The following HOXB3 variants were observed in gnomAD, a reference collection of about 807,000 sequenced individuals.
HOXB3 encodes the protein homeobox B3.
A neutral mutation model predicts 29.2 loss-of-function variants in HOXB3; 17 were observed. That is an observed-to-expected ratio of 0.58 (90% CI 0.40 to 0.87). The LOEUF (loss-of-function observed/expected upper bound fraction) is 0.87. Ranked by LOEUF, HOXB3 falls within the 40% of genes least tolerant of loss-of-function variation. The pLI is 0.00. For synonymous variants in HOXB3, 317 were observed against 285.9 expected (o/e 1.11, Z -1.10); for missense variants, 637 against 616.3 (o/e 1.03, Z -0.35).
chr17:48,578,650 C>G (rs895096865), intron 1 of HOXB3: 20 of 303,708 alleles, frequency 6.6e-5, no homozygotes, highest in Non-Finnish European at 1.1e-4. Flanking sequence ...AGAGAGAGAG[C>G]GCGCGCAGGT....
At chr17:48,563,738 C>T (rs2144816821) in intron 2 of HOXB3, among the ~76,000 whole-genome samples, 1 of 152,342 alleles carries the variant, frequency 6.6e-6, no homozygotes, top group South Asian at 2.1e-4. Context: ...GGGCTTAACA[C>T]TCAGCCTCAG....
Position 48,578,009 on chromosome 17 carries a change from G to A in HOXB3, c.-424-3995C>T, listed in dbSNP as rs2069823999. The stretch of plus-strand genomic sequence containing the variant: ...CGCCTCGCAGCGCTGGCCGGGCTCC[G>A]GGAGGAGGGCCCCGGCGGGTGGCGG... On this transcript the variant is annotated intron_variant, in intron 1 of 4. Coordinates refer to ENST00000498678, the MANE Select transcript of HOXB3 (RefSeq NM_001384749.1). 7.8e-7 allele frequency: 1 copy of A among 1,286,024 alleles called. No individual in the cohort carries two copies. The highest frequency in any genetic ancestry group is 9.9e-7 in the Non-Finnish European group (1 of 1,014,398). The allele number at this position is 1,286,024 out of a possible 1,614,324, so 79.7% of individuals were successfully genotyped here.
chr17:48,572,262 AG>A (rs2069609506), intron 2 of HOXB3, among the ~76,000 whole-genome samples: 1 of 152,170 alleles, frequency 6.6e-6, no homozygotes, highest in African/African-American at 2.4e-5. Flanking sequence ...AGGCACTCCA[AG>A]GGCTTTTTTC....
chr17:48,554,555 TCC>T lies in HOXB3; in HGVS notation c.-159+974_-159+975del, dbSNP rs1273875416. ...TGGGAAGGTTTGTGCACCCGGGTAGTCCCTGGCTGCTGCTGCCAGGCTGCCTC... is the reference window on the plus strand; with the variant it reads ...TGGGAAGGTTTGTGCACCCGGGTAGTCTGGCTGCTGCTGCCAGGCTGCCTC... On this transcript the variant is annotated intron_variant, in intron 3 of 4. Coordinates refer to ENST00000498678, the MANE Select transcript of HOXB3 (RefSeq NM_001384749.1). This position sits in a 1 kb window ranked among gnomAD's most constrained non-coding sequence, Gnocchi z 4.1. 2.9e-6 allele frequency: 2 copies of T among 695,056 alleles called. No homozygotes were observed. The highest frequency in any genetic ancestry group is 2.6e-6 in the Non-Finnish European group (1 of 381,402). The allele number at this position is 695,056 out of a possible 1,614,324, so 43.1% of individuals were successfully genotyped here. A position where few individuals can be genotyped will look rare whatever the true frequency, so the allele number is the denominator to read the frequency against.
intron 3 of HOXB3, 29 bp from the exon 4 acceptor site, chr17:48,552,661 G>C: frequency 3.6e-6 from 2 of 550,164 alleles, no homozygotes; most frequent in Non-Finnish European, 3.2e-6. Context: ...GACACAAGGG[G>C]GAGAAGAGGA....
Position 48,554,812 on chromosome 17 carries a change from C to T in HOXB3, c.-159+719G>A, listed in dbSNP as rs2068897115. 1.4e-6 allele frequency: 1 copy of T among 702,214 alleles called. No individual in the cohort carries two copies. Among genetic ancestry groups the T allele is most frequent in the African/African-American group, 1.7e-5 (1 of 57,232 alleles). 43.5% of individuals were successfully genotyped at this position (702,214 alleles called of 1,614,324 possible). ...AACTCCGCTTCGGGACTTTGCTCAG[C>T]AGGGCTCCGGGTTGGAGGGCGCCGA... On this transcript the variant is annotated intron_variant, in intron 3 of 4. Transcript: ENST00000498678. The surrounding 1 kb of genome is among the most constrained non-coding windows in gnomAD (Gnocchi z 4.1).
rs35598082 is a variant in HOXB3 at position 48,571,824 on chromosome 17, G to C, written c.-247+2013C>G. On this transcript the variant is annotated intron_variant, in intron 2 of 4. Transcript: ENST00000498678. ...TCTACTTATGCCACCCAGGGACAAA[G>C]GAGAGAGTATCAACCACTCCAGTTA... is the stretch of plus-strand genomic sequence containing the variant. Among the ~76,000 whole-genome samples, 1,218 of 152,324 alleles carry C rather than the reference G, an allele frequency of 8.0e-3. 6 individuals carry two copies. The highest frequency in any genetic ancestry group is 0.012 in the Non-Finnish European group (827 of 68,044).
intron 1 of HOXB3, chr17:48,575,652 G>C (rs1190034807): frequency 6.6e-6 from 1 of 151,190 alleles, no homozygotes; most frequent in East Asian, 1.9e-4. Flanking sequence ...GAAAAGGAGA[G>C]AGGACTCACA....
At chr17:48,567,402 G>A (rs1021468493) in intron 2 of HOXB3, among the ~76,000 whole-genome samples, 6 of 152,180 alleles carry the variant, frequency 3.9e-5, no homozygotes, top group African/African-American at 1.4e-4. Flanking sequence ...AAGTCAGTTG[G>A]CCTGGCTCCA....
At chr17:48,552,754 A>C in intron 3 of HOXB3, 122 bp from the exon 4 acceptor site, 2 of 380,778 alleles carry the variant, frequency 5.3e-6, no homozygotes, top group Admixed American at 4.0e-5. Context: ...AACATCTCCA[A>C]AGCAGATGCT....
chr17:48,567,316 G>A (rs574991195), intron 2 of HOXB3, among the ~76,000 whole-genome samples: 4 of 152,296 alleles, frequency 2.6e-5, no homozygotes, highest in Middle Eastern at 3.4e-3. Flanking sequence ...ACCTGGGCGC[G>A]GCGTTGCTCT....
Position 48,550,062 on chromosome 17 carries a change from T to G in HOXB3, c.*272A>C. ...CACTCCCGGGCGTGGAATTCCAACTTGGTAGTGCTGGAGCCCTGGGGTTGA... is the reference window on the plus strand; with the variant it reads ...CACTCCCGGGCGTGGAATTCCAACTGGGTAGTGCTGGAGCCCTGGGGTTGA... On this transcript the variant is annotated 3_prime_UTR_variant, in exon 5 of 5. Transcript: ENST00000498678. 4.8e-6 allele frequency: 2 copies of G among 414,240 alleles called. No individual in the cohort carries two copies. The highest frequency in any genetic ancestry group is 4.6e-5 in the East Asian group (1 of 21,722). The allele number at this position is 414,240 out of a possible 1,614,324, so 25.7% of individuals were successfully genotyped here.
At chr17:48,556,600 A>G (rs2069006992) in intron 2 of HOXB3, 1 of 151,652 alleles carries the variant, frequency 6.6e-6, no homozygotes, top group Admixed American at 6.6e-5. Flanking sequence ...CTTTTTGAGA[A>G]CAGACAACAA....
chr17:48,582,670 A>T (rs967034275), intron 1 of HOXB3: 1 of 152,192 alleles, frequency 6.6e-6, no homozygotes, highest in Non-Finnish European at 1.5e-5. Context: ...TGCGTAGGTC[A>T]TTACTTGGGA....
intron 2 of HOXB3, among the ~76,000 whole-genome samples, chr17:48,566,734 T>C (rs1048375877): frequency 6.6e-6 from 1 of 152,168 alleles, no homozygotes; most frequent in Non-Finnish European, 1.5e-5. Flanking sequence ...CTCCTCCCCA[T>C]GGAAGAAGTG....
Position 48,555,359 on chromosome 17 carries a change from AGAGAGGGAGGGAGG to A in HOXB3, c.-159+158_-159+171del, listed in dbSNP as rs1348017075. 2,487 of 517,594 alleles carry A rather than the reference AGAGAGGGAGGGAGG, an allele frequency of 4.8e-3. 49 individuals are homozygous for A. The African/African-American group carries it at 0.073, about 15-fold the overall frequency. 32.1% of individuals were successfully genotyped at this position (517,594 alleles called of 1,614,324 possible). On this transcript the variant is annotated intron_variant, in intron 3 of 4. Transcript: ENST00000498678. ...GGGAGAGAGAGAGAGAGAGAGAGAG[AGAGAGGGAGGGAGG>A]GAGGGAGGGAGGGAGGGAGAGAGAG... is the stretch of plus-strand genomic sequence containing the variant.
intron 1 of HOXB3, 46 bp from the exon 2 acceptor site, chr17:48,574,060 G>A: frequency 1.7e-6 from 1 of 584,172 alleles, no homozygotes; most frequent in South Asian, 2.1e-5. Flanking sequence ...TTAAAGAAAA[G>A]AAGTGATTAA....
chr17:48,589,114 C>T (rs2070100033), intron 1 of HOXB3, among the ~76,000 whole-genome samples: 1 of 152,104 alleles, frequency 6.6e-6, no homozygotes, highest in Non-Finnish European at 1.5e-5. Flanking sequence ...ATAACAGAAC[C>T]CCTGGGGATC....
Position 48,554,961 on chromosome 17 carries a change from C to A in HOXB3, c.-159+570G>T. The A allele has an allele frequency of 1.4e-5, 8 of 561,382 alleles. No individual in the cohort carries two copies. The highest frequency in any genetic ancestry group is 6.4e-5 in the East Asian group (2 of 31,218). 34.8% of individuals were successfully genotyped at this position (561,382 alleles called of 1,614,324 possible). A position where few individuals can be genotyped will look rare whatever the true frequency, so the allele number is the denominator to read the frequency against. ...CAAACAGATCTATTTCCCTTGCCTC[C>A]ATGTTGGAAAAATTCAGGTTCCATA... On this transcript the variant is annotated intron_variant, in intron 3 of 4. Coordinates refer to ENST00000498678, the MANE Select transcript of HOXB3 (RefSeq NM_001384749.1). This position sits in a 1 kb window ranked among gnomAD's most constrained non-coding sequence, Gnocchi z 4.1.
Sources: gnomAD v4.1 joint callset for allele counts (sites outside exome capture counted in the v4.1 genomes callset) on GRCh38, gnomAD v4.1.1 for gene constraint, Gnocchi (gnomAD v3.1) non-coding constraint, MANE v1.5 for transcripts, NCBI Gene and HGNC (gene_info 2026-07-23, HGNC 2026-07-21) for gene names.